Variants in GMDS observed in about 807,000 individuals in gnomAD.
The protein encoded by GMDS is GDP-mannose 4,6 dehydratase.
A neutral mutation model predicts 49.9 loss-of-function variants in GMDS; 20 were observed. The ratio of observed to expected loss-of-function variants is 0.40; its 90% CI spans 0.28 to 0.58. The LOEUF (loss-of-function observed/expected upper bound fraction) is 0.58. Among genes scored for constraint, GMDS ranks in the 20% least tolerant of loss-of-function variants. The pLI is 0.42. For synonymous variants in GMDS, 177 were observed against 178.6 expected (o/e 0.99, Z 0.07); for missense variants, 362 against 481.4 (o/e 0.75, Z 2.32).
intron 4 of GMDS, among the ~76,000 whole-genome samples, chr6:1,968,685 C>T (rs1428926180): frequency 6.6e-6 from 1 of 152,112 alleles, no homozygotes; most frequent in East Asian, 1.9e-4. Context: ...CCAACACTGA[C>T]CCACTGCATC....
chr6:2,118,564 ACTTT>A (rs1774972741), intron 2 of GMDS, among the ~76,000 whole-genome samples: 1 of 152,232 alleles, frequency 6.6e-6, no homozygotes, highest in African/African-American at 2.4e-5. Flanking sequence ...AGAATATAAG[ACTTT>A]CTTTCAAACA....
At chr6:2,081,402 C>T (rs1772684913) in intron 4 of GMDS, among the ~76,000 whole-genome samples, 1 of 152,114 alleles carries the variant, frequency 6.6e-6, no homozygotes, top group African/African-American at 2.4e-5. Flanking sequence ...TTATGAAGGA[C>T]CACACAAAGT....
intron 9 of GMDS, among the ~76,000 whole-genome samples, chr6:1,683,671 C>G (rs895302052): frequency 6.6e-6 from 1 of 152,168 alleles, no homozygotes; most frequent in Non-Finnish European, 1.5e-5. Context: ...AACCTTTAGA[C>G]ATGAGAGGTG....
At chr6:1,870,034 C>A (rs1199163055) in intron 7 of GMDS, among the ~76,000 whole-genome samples, 6 of 152,266 alleles carry the variant, frequency 3.9e-5, no homozygotes, top group African/African-American at 1.4e-4. Flanking sequence ...TGTTCTCTCA[C>A]AGGTTGTGCC....
intron 4 of GMDS, among the ~76,000 whole-genome samples, chr6:2,106,209 A>G (rs192948155): frequency 6.6e-6 from 1 of 152,332 alleles, no homozygotes; most frequent in African/African-American, 2.4e-5. Flanking sequence ...CCATTTTCAT[A>G]TGATTTATTT....
chr6:2,109,053 A>G (rs1774399863), intron 4 of GMDS, among the ~76,000 whole-genome samples: 1 of 152,218 alleles, frequency 6.6e-6, no homozygotes, highest in Admixed American at 6.5e-5. Context: ...AACAGCAGCT[A>G]AGGCAAATGA....
chr6:1,960,906 G>A lies in GMDS; in HGVS notation c.406C>T (p.Leu136=). ...AGGCCACAAGTCTTAACTGCATCTAGAAGTCGTAGAGTGCCAACTCCGTCA... is the reference window on the plus strand; with the variant it reads ...AGGCCACAAGTCTTAACTGCATCTAAAAGTCGTAGAGTGCCAACTCCGTCA... ...DVDGVGTLRL[L]DAVKTCGLIN... The change falls in exon 5 of 11, where the codon CTA becomes TTA. Residue 136 remains leucine (L), a synonymous_variant. Transcript: ENST00000380815. 1.9e-6 allele frequency: 3 copies of A among 1,608,316 alleles called. No individual in the cohort carries two copies. The highest frequency in any genetic ancestry group is 2.2e-5 in the East Asian group (1 of 44,818).
At chr6:1,937,839 T>C (rs953559217) in intron 6 of GMDS, among the ~76,000 whole-genome samples, 2 of 152,152 alleles carry the variant, frequency 1.3e-5, no homozygotes, top group African/African-American at 4.8e-5. Context: ...GACATATCTT[T>C]CTGGGGGCTA....
intron 4 of GMDS, among the ~76,000 whole-genome samples, chr6:2,022,553 T>C (rs1409055422): frequency 6.6e-6 from 1 of 152,178 alleles, no homozygotes; most frequent in Non-Finnish European, 1.5e-5. Context: ...ACCTGTTCAA[T>C]CTGCTCGCGA....
intron 4 of GMDS, among the ~76,000 whole-genome samples, chr6:2,094,129 G>T (rs532958150): frequency 6.6e-6 from 1 of 152,322 alleles, no homozygotes; most frequent in African/African-American, 2.4e-5. Flanking sequence ...GATTCTACTG[G>T]ACACAAGAGC....
chr6:1,765,638 G>A (rs1021022008), intron 7 of GMDS, among the ~76,000 whole-genome samples: 2 of 152,142 alleles, frequency 1.3e-5, no homozygotes, highest in Non-Finnish European at 1.5e-5. Flanking sequence ...GTCACGCGGC[G>A]GCTGAGCAGG....
At chr6:1,887,793 A>C (rs1759677146) in intron 7 of GMDS, among the ~76,000 whole-genome samples, 1 of 152,238 alleles carries the variant, frequency 6.6e-6, no homozygotes, top group Admixed American at 6.5e-5. Flanking sequence ...AAATCCAAGG[A>C]TGCTCAACTC....
At chr6:2,084,942 T>C (rs1370410863) in intron 4 of GMDS, among the ~76,000 whole-genome samples, 1 of 152,216 alleles carries the variant, frequency 6.6e-6, no homozygotes, top group East Asian at 1.9e-4. Flanking sequence ...GTCTTGCAAT[T>C]AGTTACATAA....
intron 4 of GMDS, among the ~76,000 whole-genome samples, chr6:1,991,296 ACTT>A (rs1355309694): frequency 3.3e-5 from 5 of 151,864 alleles, no homozygotes; most frequent in African/African-American, 7.3e-5. Flanking sequence ...GGCATTTTCA[ACTT>A]CTTCTTCTGG....
rs538170639 is a variant in GMDS at position 1,965,059 on chromosome 6, T to G, written c.346-4093A>C. Among the ~76,000 whole-genome samples, 20 of 103,478 alleles carry G rather than the reference T, an allele frequency of 1.9e-4. No individual in the cohort carries two copies. The East Asian group carries it at 6.0e-3, about 31-fold the overall frequency. 67.9% of individuals were successfully genotyped at this position (103,478 alleles called of 152,430 possible). A position where few individuals can be genotyped will look rare whatever the true frequency, so the allele number is the denominator to read the frequency against. On this transcript the variant is annotated intron_variant, in intron 4 of 10. Transcript: ENST00000380815. ...GTGTATATGTGCCACATTTTCTTAA[T>G]CCAGTCTATCGTTGTTCCAGGTCTT...
Position 1,959,894 on chromosome 6 carries a change from G to GA in GMDS, c.615dup (p.Leu206SerfsTer5). On this transcript the variant is annotated frameshift_variant, in exon 6 of 11. Transcript: ENST00000380815. LOFTEE classifies it high-confidence loss of function. ...CTTCTGGGACTCTCATGATTGAAGA[G>GA]AATGCCGTTCACTGCAAAGAGATTA... 6.2e-7 allele frequency: 1 copy of GA among 1,606,954 alleles called. No individual in the cohort carries two copies. The highest frequency in any genetic ancestry group is 8.5e-7 in the Non-Finnish European group (1 of 1,175,334).
intron 4 of GMDS, among the ~76,000 whole-genome samples, chr6:1,962,842 A>G (rs1764036827): frequency 6.7e-6 from 1 of 149,026 alleles, no homozygotes; most frequent in South Asian, 2.1e-4. Flanking sequence ...CTTTCCTCCC[A>G]TTATCAGGGT....
chr6:2,010,326 CA>C (rs201372798), intron 4 of GMDS, among the ~76,000 whole-genome samples: 28,354 of 90,238 alleles, frequency 0.31, 3,041 homozygotes, highest in Middle Eastern at 0.37. Flanking sequence ...GACTCCATCT[CA>C]AAAAAAAAAA....
chr6:1,667,137 G>T (rs1055569370), intron 9 of GMDS, among the ~76,000 whole-genome samples: 1 of 152,174 alleles, frequency 6.6e-6, no homozygotes, highest in African/African-American at 2.4e-5. Flanking sequence ...TGACGGTAGG[G>T]TTCTATAGAA....
Sources: allele counts gnomAD v4.1 joint callset (sites outside exome capture counted in the v4.1 genomes callset), GRCh38; gene constraint gnomAD v4.1.1; transcripts MANE v1.5; gene names NCBI Gene and HGNC (gene_info 2026-07-23, HGNC 2026-07-21).